The following KLK14 variants were observed in gnomAD, a reference collection of about 807,000 sequenced individuals.
The protein encoded by KLK14 is kallikrein-14.
KLK14 carries 21 observed loss-of-function variants against 24.6 expected under a neutral mutation model. The ratio of observed to expected loss-of-function variants is 0.85; its 90% CI spans 0.61 to 1.23. The LOEUF is 1.23. Ranked by LOEUF, KLK14 falls within the 50% of genes most tolerant of loss-of-function variation. KLK14 has a pLI of 0.00. For synonymous variants in KLK14, 133 were observed against 139.7 expected, an observed-to-expected ratio of 0.95 and a Z score of 0.34; for missense variants, 320 against 338.9, an observed-to-expected ratio of 0.94 and a Z score of 0.44.
chr19:51,077,507 C>T, downstream of KLK14: 1 of 164,906 alleles, frequency 6.1e-6, no homozygotes, highest in Non-Finnish European at 1.3e-5. Context: ...GAGAAAACGC[C>T]TGAAGCAACT....
intron 2 of KLK14, among the ~76,000 whole-genome samples, chr19:51,082,307 C>T (rs1017334741): frequency 1.1e-4 from 17 of 152,252 alleles, no homozygotes; most frequent in African/African-American, 4.1e-4. Context: ...CTGCTATGAC[C>T]CACTCAGGAC....
chr19:51,082,454 A>T, intron 2 of KLK14, 121 bp downstream of exon 2: 1 of 889,162 alleles, frequency 1.1e-6, no homozygotes, highest in Non-Finnish European at 1.8e-6. Flanking sequence ...TGACCCCCAA[A>T]CCACTCCCTG....
rs1555792804 is a variant in KLK14, at chr19:51,078,021, T to A, written c.742A>T (p.Met248Leu). 1.2e-6 allele frequency: 2 copies of A among 1,613,868 alleles called. No homozygotes were observed. The highest frequency in any genetic ancestry group is 1.7e-6 in the Non-Finnish European group (2 of 1,179,838). ...CGTGAAGACCATCATTTGTCCCGCA[T>A]CGTTTCCTCAATCCAGCTTCTGTAC... ...CKYRSWIEET[M>L]RDK Residue 248 changes from methionine to leucine, a missense_variant, in exon 6 of 6, where the codon ATG (methionine) becomes TTG (leucine). Met to Leu is a conservative substitution (Grantham distance 15). Coordinates refer to ENST00000650543, the MANE Select transcript of KLK14 (RefSeq NM_001369775.2). This position sits in a 1 kb window ranked among gnomAD's most constrained non-coding sequence, Gnocchi z 5.0.
rs769468261 is a variant in KLK14 at position 51,082,565 on chromosome 19, G to C, written c.40+10C>G. 3 of 1,613,420 alleles carry C rather than the reference G, an allele frequency of 1.9e-6. No homozygotes were observed. The African/African-American group carries it at 4.0e-5, about 22-fold the overall frequency. On this transcript the variant is annotated intron_variant, in intron 2 of 5. Transcript: ENST00000650543. ...GGACCCCCTTGTGTCATACCCAACC[G>C]TTCTCTTACCTATAGCCAGGACTTG... is the stretch of plus-strand genomic sequence containing the variant.
upstream of KLK14, chr19:51,082,968 A>AC: frequency 1.7e-6 from 1 of 596,330 alleles, no homozygotes; most frequent in South Asian, 2.1e-5. Context: ...CCTGCTTCTG[A>AC]CATTTTTTTT....
At chr19:51,081,427 G>A in intron 3 of KLK14, 105 bp downstream of exon 3, 1 of 1,064,540 alleles carries the variant, frequency 9.4e-7, no homozygotes, top group Non-Finnish European at 1.2e-6. Flanking sequence ...CCAGGAGCCA[G>A]CCACTACATT....
rs979573707 is a variant in KLK14, at chr19:51,078,354, T to G, written c.604-195A>C. ...TCCTTCCCTCTCCGCTGGGTCTGGC[T>G]CTGTCTCTGTGTGCACCTGCCTGTC... On this transcript the variant is annotated intron_variant, in intron 5 of 5. Coordinates refer to ENST00000650543, the MANE Select transcript of KLK14 (RefSeq NM_001369775.2). This position sits in a 1 kb window ranked among gnomAD's most constrained non-coding sequence, Gnocchi z 5.0. Among the ~76,000 whole-genome samples the G allele has an allele frequency of 1.1e-4, 16 of 152,138 alleles. No individual in the cohort carries two copies. Among genetic ancestry groups the G allele is most frequent in the African/African-American group, 3.6e-4 (15 of 41,412 alleles).
At chr19:51,080,679 G>T (rs9304708) in intron 3 of KLK14, among the ~76,000 whole-genome samples, 59,513 of 151,932 alleles carry the variant, frequency 0.39, 13,091 homozygotes, top group African/African-American at 0.58. Flanking sequence ...GGGATTTATT[G>T]ATTGATTGAT....
At chr19:51,082,982 T>A, upstream of KLK14, 2 of 589,038 alleles carry the variant, frequency 3.4e-6, no homozygotes, top group East Asian at 5.7e-5. Context: ...TTTTTTTTTT[T>A]TATTGCCTAG....
chr19:51,079,683 C>T lies in KLK14; in HGVS notation c.232G>A (p.Gly78Ser), dbSNP rs1355964122. ...TCCCACCTCCTCAGGTTGTGCTTGCCCAGGGCAACCTGAAGGATCCTGGCC... is the reference window on the plus strand; with the variant it reads ...TCCCACCTCCTCAGGTTGTGCTTGCTCAGGGCAACCTGAAGGATCCTGGCC... ...CGRPILQVAL[G>S]KHNLRRWEAT... The change falls in exon 4 of 6, where the codon GGC (glycine) becomes AGC (serine). Residue 78 changes from glycine (G) to serine (S), a missense_variant. Physicochemically the swap from Gly to Ser is moderately conservative, Grantham distance 56. Transcript: ENST00000650543. 1.9e-6 allele frequency: 3 copies of T among 1,566,518 alleles called. No homozygotes were observed. The South Asian group carries it at 3.5e-5, about 18-fold the overall frequency.
chr19:51,082,496 G>C, intron 2 of KLK14, 79 bp downstream of exon 2: 6 of 1,395,760 alleles, frequency 4.3e-6, no homozygotes, highest in Non-Finnish European at 6.0e-6. Context: ...TGAGCATCCA[G>C]GGGCCCCAAG....
At chr19:51,083,930 G>A (rs1035683909), upstream of KLK14, among the ~76,000 whole-genome samples, 5 of 152,154 alleles carry the variant, frequency 3.3e-5, no homozygotes, top group African/African-American at 1.2e-4. Flanking sequence ...ACGGGACATG[G>A]TGGGAGAAAG....
At position 51,078,320 on chromosome 19, in the gene KLK14, C is replaced by T. The variant is rs1220592654; in HGVS notation, c.604-161G>A. Among the ~76,000 whole-genome samples, 1 of 152,112 alleles carries T rather than the reference C, an allele frequency of 6.6e-6. No individual in the cohort carries two copies. The highest frequency in any genetic ancestry group is 2.4e-5 in the African/African-American group (1 of 41,414). Reference sequence around the variant, plus strand: ...GCTCTGAGGTCTCAGCCCCGGAGGTCGGGGCACTTCCTTCCCTCTCCGCTG... The same window carrying T: ...GCTCTGAGGTCTCAGCCCCGGAGGTTGGGGCACTTCCTTCCCTCTCCGCTG... On this transcript the variant is annotated intron_variant, in intron 5 of 5. Coordinates refer to ENST00000650543, the MANE Select transcript of KLK14 (RefSeq NM_001369775.2). This position sits in a 1 kb window ranked among gnomAD's most constrained non-coding sequence, Gnocchi z 5.0.
At position 51,077,933 on chromosome 19, in the gene KLK14, C is replaced by T. The variant is rs545790287; in HGVS notation, c.*74G>A. 21 of 1,560,694 alleles carry T rather than the reference C, an allele frequency of 1.3e-5. No homozygotes were observed. In the African/African-American group the frequency reaches 2.6e-4, roughly 19 times the overall value. On this transcript the variant is annotated 3_prime_UTR_variant, in exon 6 of 6. Coordinates refer to ENST00000650543, the MANE Select transcript of KLK14 (RefSeq NM_001369775.2). ...GGGTCTGAGGGAGGAGGGGCTGGGGCCTGGACTCCTGGGTCCTGAGTAGAG... is the reference window on the plus strand; with the variant it reads ...GGGTCTGAGGGAGGAGGGGCTGGGGTCTGGACTCCTGGGTCCTGAGTAGAG...
chr19:51,079,379 C>A, intron 4 of KLK14, 70 bp downstream of exon 4: 1 of 1,459,442 alleles, frequency 6.9e-7, no homozygotes, highest in Non-Finnish European at 9.2e-7. Flanking sequence ...CCAGTCCCCC[C>A]AGCTCCACCT....
intron 3 of KLK14, among the ~76,000 whole-genome samples, chr19:51,080,464 C>T (rs1217934288): frequency 6.6e-6 from 1 of 152,196 alleles, no homozygotes; most frequent in Non-Finnish European, 1.5e-5. Flanking sequence ...ATCCAAGATT[C>T]TAGAGTCTGG....
chr19:51,079,493 GTC>G lies in KLK14; in HGVS notation c.420_421del (p.Thr141LeufsTer32). ...TCCCCAGCCTGACACTCGGCAGGAG[GTC>G]CCGGGGCTGGCACAGGCCTGGGTGA... is the stretch of plus-strand genomic sequence containing the variant. On this transcript the variant is annotated frameshift_variant, in exon 4 of 6. Coordinates refer to ENST00000650543, the MANE Select transcript of KLK14 (RefSeq NM_001369775.2). LOFTEE classifies it high-confidence loss of function. 1 of 1,613,660 alleles carries G rather than the reference GTC, an allele frequency of 6.2e-7. No homozygotes were observed. Among genetic ancestry groups the G allele is most frequent in the South Asian group, 1.1e-5 (1 of 91,070 alleles).
chr19:51,077,945 G>T lies in KLK14; in HGVS notation c.*62C>A, dbSNP rs2091812853. ...GGAGGGGCTGGGGCCTGGACTCCTG[G>T]GTCCTGAGTAGAGAGAGGAGGGCCT... is the stretch of plus-strand genomic sequence containing the variant. On this transcript the variant is annotated 3_prime_UTR_variant, in exon 6 of 6. Coordinates refer to ENST00000650543, the MANE Select transcript of KLK14 (RefSeq NM_001369775.2). The T allele has an allele frequency of 6.3e-7, 1 of 1,588,920 alleles. No individual in the cohort carries two copies. Among genetic ancestry groups the T allele is most frequent in the East Asian group, 2.2e-5 (1 of 44,682 alleles).
chr19:51,083,542 GGA>G (rs574305599), upstream of KLK14, among the ~76,000 whole-genome samples: 438 of 152,098 alleles, frequency 2.9e-3, no homozygotes, highest in Non-Finnish European at 4.4e-3. Flanking sequence ...ATATGACAGT[GGA>G]GAGAGAGGAG....
Sources: allele counts gnomAD v4.1 joint callset (sites outside exome capture counted in the v4.1 genomes callset), GRCh38; gene constraint gnomAD v4.1.1; non-coding constraint Gnocchi (gnomAD v3.1); transcripts MANE v1.5; gene names NCBI Gene and HGNC (gene_info 2026-07-23, HGNC 2026-07-21).